Variants in SEPTIN11 observed in about 807,000 individuals in gnomAD.
SEPTIN11 encodes septin 11.
Under a neutral mutation model 51.4 loss-of-function variants are expected in SEPTIN11, and 25 were observed. That is an observed-to-expected ratio of 0.49 (90% CI 0.35 to 0.68). The LOEUF is 0.68. Among genes scored for constraint, SEPTIN11 ranks in the 30% least tolerant of loss-of-function variants. The pLI is 0.00. For missense variants in SEPTIN11, 381 were observed against 520.8 expected (o/e 0.73, Z 2.61); for synonymous variants, 174 against 184.1 (o/e 0.95, Z 0.44).
chr4:76,955,918 G>A (rs1023798263), intron 1 of SEPTIN11, among the ~76,000 whole-genome samples: 3 of 152,176 alleles, frequency 2.0e-5, no homozygotes, highest in African/African-American at 7.2e-5. Context: ...GAAGAGTGTG[G>A]TGGGGCTGGG....
chr4:76,968,736 G>C (rs960261104), intron 1 of SEPTIN11, among the ~76,000 whole-genome samples: 33 of 152,136 alleles, frequency 2.2e-4, no homozygotes. Context: ...AATTGCTCTT[G>C]ATTTTACAGA....
chr4:76,996,943 G>A (rs1345610312), intron 2 of SEPTIN11, among the ~76,000 whole-genome samples: 3 of 148,938 alleles, frequency 2.0e-5, no homozygotes, highest in Non-Finnish European at 3.0e-5. Context: ...GCAGTGGGGC[G>A]ATCTTGGCTC....
At chr4:76,995,890 G>A in intron 1 of SEPTIN11, 3 of 1,535,614 alleles carry the variant, frequency 2.0e-6, no homozygotes, top group Non-Finnish European at 2.6e-6. Flanking sequence ...TAATGGAGGA[G>A]AGGAAACCAG....
chr4:76,974,343 T>C (rs534847297), intron 1 of SEPTIN11: 13 of 158,434 alleles, frequency 8.2e-5, no homozygotes, highest in African/African-American at 3.1e-4. Context: ...CTCAACACTC[T>C]GCCAATCCCT....
At chr4:77,014,676 T>C (rs1197471810) in intron 4 of SEPTIN11, among the ~76,000 whole-genome samples, 180 bp from the exon 5 acceptor site, 1 of 150,914 alleles carries the variant, frequency 6.6e-6, no homozygotes, top group Admixed American at 6.6e-5. Flanking sequence ...AAAAAAAAAA[T>C]TGTAGGTACA....
chr4:76,956,460 C>T (rs947420479), intron 1 of SEPTIN11, among the ~76,000 whole-genome samples: 34 of 152,198 alleles, frequency 2.2e-4, no homozygotes, highest in African/African-American at 8.0e-4. Context: ...GTTGCGGTAA[C>T]AAATTGGCCC....
At position 77,034,576 on chromosome 4, in the gene SEPTIN11, A is replaced by G. The variant is rs913980592; in HGVS notation, c.*64A>G. Reference sequence around the variant, plus strand: ...TTTGCAGTAATATCGTATCTCTGCCATGTGTGTTCTTTAGTTTTATTTTAT... The same window carrying G: ...TTTGCAGTAATATCGTATCTCTGCCGTGTGTGTTCTTTAGTTTTATTTTAT... On this transcript the variant is annotated 3_prime_UTR_variant, in exon 10 of 10. Coordinates refer to ENST00000264893, the MANE Select transcript of SEPTIN11 (RefSeq NM_018243.4). 1.3e-6 allele frequency: 2 copies of G among 1,484,720 alleles called. No individual in the cohort carries two copies. Among genetic ancestry groups the G allele is most frequent in the Non-Finnish European group, 1.8e-6 (2 of 1,123,696 alleles). The allele number at this position is 1,484,720 out of a possible 1,614,324, so 92.0% of individuals were successfully genotyped here. A position where few individuals can be genotyped will look rare whatever the true frequency, so the allele number is the denominator to read the frequency against.
chr4:76,956,579 C>A (rs2109879479), intron 1 of SEPTIN11, among the ~76,000 whole-genome samples: 1 of 152,322 alleles, frequency 6.6e-6, no homozygotes, highest in South Asian at 2.1e-4. Flanking sequence ...GAGGGAGTAT[C>A]CTCTATCTGG....
Position 77,036,457 on chromosome 4 carries a change from A to C in SEPTIN11, c.*1945A>C. 2.5e-6 allele frequency: 3 copies of C among 1,223,542 alleles called. No individual in the cohort carries two copies. Among genetic ancestry groups the C allele is most frequent in the Non-Finnish European group, 3.1e-6 (3 of 975,054 alleles). 75.8% of individuals were successfully genotyped at this position (1,223,542 alleles called of 1,614,324 possible). On this transcript the variant is annotated 3_prime_UTR_variant, in exon 10 of 10. Transcript: ENST00000264893. ...GTGTGAGCATTTTTGTGGCTTGTAC[A>C]GAAAGTACACTTTTAAATTGTCTCT... is the stretch of plus-strand genomic sequence containing the variant.
At chr4:76,990,518 G>A (rs979884862) in intron 1 of SEPTIN11, among the ~76,000 whole-genome samples, 13 of 152,104 alleles carry the variant, frequency 8.5e-5, no homozygotes, top group African/African-American at 3.1e-4. Flanking sequence ...CAGCATTACC[G>A]CCTGAGTTCT....
In SEPTIN11 at chr4:76,949,770, G is replaced by T; in HGVS notation, c.-134G>T. 2.1e-6 allele frequency: 2 copies of T among 940,086 alleles called. No homozygotes were observed. Among genetic ancestry groups the T allele is most frequent in the Non-Finnish European group, 3.1e-6 (2 of 654,008 alleles). 58.2% of individuals were successfully genotyped at this position (940,086 alleles called of 1,614,324 possible). On this transcript the variant is annotated 5_prime_UTR_variant, in exon 1 of 10. Coordinates refer to ENST00000264893, the MANE Select transcript of SEPTIN11 (RefSeq NM_018243.4). ...GTGGGGGGAGCAGATGCCGCTGGCT[G>T]CCAGCGGGACGCCGGCGAGCAGAGC...
At chr4:76,976,621 T>A (rs1722515709) in intron 1 of SEPTIN11, among the ~76,000 whole-genome samples, 1 of 152,254 alleles carries the variant, frequency 6.6e-6, no homozygotes, top group African/African-American at 2.4e-5. Flanking sequence ...ATTTGACTTA[T>A]GTTGGGAGCC....
At chr4:77,013,520 T>C (rs1045779154) in intron 4 of SEPTIN11, among the ~76,000 whole-genome samples, 2 of 152,230 alleles carry the variant, frequency 1.3e-5, no homozygotes, top group African/African-American at 4.8e-5. Flanking sequence ...AATTAAATAC[T>C]AAATGTGTAT....
chr4:76,995,490 AAC>A (rs1174029530), intron 1 of SEPTIN11, among the ~76,000 whole-genome samples: 1 of 152,212 alleles, frequency 6.6e-6, no homozygotes, highest in Non-Finnish European at 1.5e-5. Flanking sequence ...GTTCATTGAC[AAC>A]ACAGCCAGAA....
intron 1 of SEPTIN11, among the ~76,000 whole-genome samples, chr4:76,985,557 G>A (rs1722982589): frequency 6.6e-6 from 1 of 152,214 alleles, no homozygotes; most frequent in African/African-American, 2.4e-5. Flanking sequence ...AGGCTGTAGA[G>A]ACAGAAAGGG....
chr4:77,039,356 C>T (rs560398197), downstream of SEPTIN11: 10 of 1,093,054 alleles, frequency 9.1e-6, no homozygotes, highest in Admixed American at 9.8e-5. Context: ...AAACAGAAAA[C>T]GTGGGCCAAG....
At chr4:76,989,247 T>A (rs1009773016) in intron 1 of SEPTIN11, among the ~76,000 whole-genome samples, 3 of 152,156 alleles carry the variant, frequency 2.0e-5, no homozygotes, top group African/African-American at 7.2e-5. Flanking sequence ...AATAAAAATC[T>A]CCAGCTCTCC....
rs759384713 is a variant in SEPTIN11 at position 77,030,917 on chromosome 4, C to T, written c.1221C>T (p.Ser407=). Residue 407 remains serine (S), a synonymous_variant, in exon 9 of 10, where the codon TCC becomes TCT. Transcript: ENST00000264893. ...AAGCAGCGGCTCAGTTACTACAGTC[C>T]CAGGCCCAGCAATCTGGGGCCCAGC... ...KKKAAAQLLQ[S]QAQQSGAQQT... 3.7e-6 allele frequency: 6 copies of T among 1,610,948 alleles called. No homozygotes were observed. The Admixed American group carries it at 6.8e-5, about 18-fold the overall frequency.
At chr4:76,951,622 C>A (rs1343701358) in intron 1 of SEPTIN11, among the ~76,000 whole-genome samples, 1 of 152,074 alleles carries the variant, frequency 6.6e-6, no homozygotes, top group African/African-American at 2.4e-5. Context: ...AATTGGCAAA[C>A]GTTTAGGATT....
Sources: gnomAD v4.1 joint callset for allele counts (sites outside exome capture counted in the v4.1 genomes callset) on GRCh38, gnomAD v4.1.1 for gene constraint, MANE v1.5 for transcripts, NCBI Gene and HGNC (gene_info 2026-07-23, HGNC 2026-07-21) for gene names.